CDH18: variants seen among roughly 807,000 people sequenced by gnomAD.
CDH18 encodes the protein cadherin-18.
CDH18 carries 31 observed loss-of-function variants against 67.9 expected under a neutral mutation model. That is an observed-to-expected ratio of 0.46 (90% CI 0.34 to 0.62). The LOEUF (loss-of-function observed/expected upper bound fraction) is 0.62. CDH18 is among the 20% of genes least tolerant of loss of function. CDH18 has a pLI of 0.01. For missense variants in CDH18, 890 were observed against 975.5 expected, an observed-to-expected ratio of 0.91 and a Z score of 1.17; for synonymous variants, 362 against 347.2, an observed-to-expected ratio of 1.04 and a Z score of -0.48.
At chr5:20,318,989 T>C (rs1365957251) in intron 1 of CDH18, among the ~76,000 whole-genome samples, 3 of 152,100 alleles carry the variant, frequency 2.0e-5, no homozygotes, top group African/African-American at 7.2e-5. Flanking sequence ...GAAAAACTCT[T>C]ATTGTGCCCT....
Position 20,070,859 on chromosome 5 carries a change from G to A in CDH18, c.-517-78845C>T, listed in dbSNP as rs566080123. ...AACAAATAACAATTATGACTCAACAGAAAGTGATTCTTCAATTATTGGGCT... is the reference window on the plus strand; with the variant it reads ...AACAAATAACAATTATGACTCAACAAAAAGTGATTCTTCAATTATTGGGCT... On this transcript the variant is annotated intron_variant, in intron 2 of 14. Transcript: ENST00000507958. 1.1e-3 allele frequency among the ~76,000 whole-genome samples: 167 copies of A among 152,228 alleles called. 5 individuals are homozygous for A. The South Asian group carries it at 0.033, about 30-fold the overall frequency.
chr5:19,552,208 C>T (rs932220599), intron 8 of CDH18, among the ~76,000 whole-genome samples: 2 of 152,018 alleles, frequency 1.3e-5, no homozygotes, highest in Non-Finnish European at 2.9e-5. Flanking sequence ...TAGATTTATT[C>T]GGGAAATAAT....
chr5:19,771,235 C>T (rs772772010), intron 3 of CDH18, among the ~76,000 whole-genome samples: 5 of 152,102 alleles, frequency 3.3e-5, no homozygotes, highest in Non-Finnish European at 5.9e-5. Context: ...TGGGACATAG[C>T]GACTCCTTGT....
chr5:20,006,476 G>A (rs1211103752), intron 2 of CDH18, among the ~76,000 whole-genome samples: 2 of 151,834 alleles, frequency 1.3e-5, no homozygotes, highest in Non-Finnish European at 2.9e-5. Context: ...AAACTACGAG[G>A]ATATCTACAA....
intron 1 of CDH18, among the ~76,000 whole-genome samples, chr5:20,445,682 G>A (rs1350851749): frequency 6.6e-6 from 1 of 152,112 alleles, no homozygotes; most frequent in East Asian, 1.9e-4. Flanking sequence ...CAATAAACTG[G>A]CTTAGCAGGA....
chr5:20,542,146 A>C (rs1246366112), intron 1 of CDH18, among the ~76,000 whole-genome samples: 1 of 152,148 alleles, frequency 6.6e-6, no homozygotes, highest in Non-Finnish European at 1.5e-5. Context: ...GTGTTTCACC[A>C]TGTTCACCAT....
At chr5:20,345,147 T>C (rs1005023800) in intron 1 of CDH18, among the ~76,000 whole-genome samples, 6 of 152,286 alleles carry the variant, frequency 3.9e-5, no homozygotes, top group Non-Finnish European at 7.4e-5. Context: ...AGACTTTCAT[T>C]ACCCATGGAG....
chr5:20,515,722 C>A (rs1455999999), intron 1 of CDH18, among the ~76,000 whole-genome samples: 1 of 148,522 alleles, frequency 6.7e-6, no homozygotes, highest in Admixed American at 6.6e-5. Context: ...CAATTACTAG[C>A]TAATTGAATT....
chr5:19,512,683 C>T (rs76495967), intron 10 of CDH18, among the ~76,000 whole-genome samples: 1,885 of 152,218 alleles, frequency 0.012, 22 homozygotes, highest in South Asian at 0.031. Flanking sequence ...AGCATTGTCA[C>T]GGTTGTTGCT....
intron 2 of CDH18, among the ~76,000 whole-genome samples, chr5:20,121,567 C>T (rs1277943446): frequency 6.6e-6 from 1 of 152,160 alleles, no homozygotes; most frequent in African/African-American, 2.4e-5. Flanking sequence ...AGGTGCAAGA[C>T]ACAACCAGAT....
chr5:19,693,746 A>C (rs1762197013), intron 5 of CDH18, among the ~76,000 whole-genome samples: 1 of 151,996 alleles, frequency 6.6e-6, no homozygotes. Context: ...AAGATACAAA[A>C]ATTAGCTCAG....
chr5:20,472,291 A>G (rs1396913435), intron 1 of CDH18, among the ~76,000 whole-genome samples: 3 of 152,180 alleles, frequency 2.0e-5, no homozygotes, highest in African/African-American at 7.2e-5. Flanking sequence ...TTTTTAAATT[A>G]TTTGTATTCC....
At chr5:20,223,445 A>G (rs1327704339) in intron 2 of CDH18, among the ~76,000 whole-genome samples, 1 of 152,116 alleles carries the variant, frequency 6.6e-6, no homozygotes, top group East Asian at 1.9e-4. Context: ...CTTGTCTCAG[A>G]TGAGACTTTG....
At chr5:20,382,991 C>A (rs1475016279) in intron 1 of CDH18, among the ~76,000 whole-genome samples, 3 of 152,044 alleles carry the variant, frequency 2.0e-5, no homozygotes, top group African/African-American at 7.2e-5. Context: ...CCATACTGAG[C>A]CAGCAGGAGA....
intron 1 of CDH18, among the ~76,000 whole-genome samples, chr5:20,506,054 A>G (rs1754639427): frequency 6.6e-6 from 1 of 152,204 alleles, no homozygotes; most frequent in African/African-American, 2.4e-5. Flanking sequence ...GAAAGAAAGG[A>G]GTCAAAAAAA....
intron 2 of CDH18, among the ~76,000 whole-genome samples, chr5:19,907,952 A>T (rs1032825328): frequency 3.9e-5 from 6 of 152,074 alleles, no homozygotes; most frequent in Non-Finnish European, 5.9e-5. Flanking sequence ...TATATACTTT[A>T]AAATCCTTAA....
At chr5:20,185,424 C>T (rs956676033) in intron 2 of CDH18, among the ~76,000 whole-genome samples, 26 of 152,122 alleles carry the variant, frequency 1.7e-4, no homozygotes, top group African/African-American at 6.3e-4. Context: ...CAATGCACTC[C>T]GTTGCCTGCC....
intron 2 of CDH18, among the ~76,000 whole-genome samples, chr5:19,973,587 G>T (rs1235804003): frequency 6.6e-6 from 1 of 152,098 alleles, no homozygotes; most frequent in African/African-American, 2.4e-5. Flanking sequence ...TGAAGAACAT[G>T]GAAAAAGTTG....
At chr5:20,558,493 G>C (rs181252121) in intron 1 of CDH18, among the ~76,000 whole-genome samples, 1 of 152,180 alleles carries the variant, frequency 6.6e-6, no homozygotes, top group East Asian at 1.9e-4. Flanking sequence ...GATAAGAAAG[G>C]CCTCTGAACT....
Sources: gnomAD v4.1 joint callset for allele counts (sites outside exome capture counted in the v4.1 genomes callset) on GRCh38, gnomAD v4.1.1 for gene constraint, MANE v1.5 for transcripts, NCBI Gene and HGNC (gene_info 2026-07-23, HGNC 2026-07-21) for gene names.